Variants in SLC45A4 observed in about 807,000 individuals in gnomAD.
SLC45A4 encodes the protein polyamine-transporter SLC45A4.
A neutral mutation model predicts 63.7 loss-of-function variants in SLC45A4; 32 were observed. The observed-to-expected ratio is 0.50, with a 90% confidence interval of 0.38 to 0.67. The LOEUF is 0.67. Among genes scored for constraint, SLC45A4 ranks in the 30% least tolerant of loss-of-function variants. The pLI is 0.00. For synonymous variants in SLC45A4, 535 were observed against 510.0 expected (o/e 1.05, Z -0.66); for missense variants, 1,027 against 1,157.7 (o/e 0.89, Z 1.64).
intron 5 of SLC45A4, among the ~76,000 whole-genome samples, chr8:141,217,500 G>T (rs1826233085): frequency 6.6e-6 from 1 of 152,226 alleles, no homozygotes; most frequent in Non-Finnish European, 1.5e-5. Flanking sequence ...CTCTGCCGTG[G>T]CCCTCTCGGA....
Position 141,212,266 on chromosome 8 carries a change from G to A in SLC45A4, c.2232C>T (p.Ser744=). 4 of 1,594,644 alleles carry A rather than the reference G, an allele frequency of 2.5e-6. No homozygotes were observed. The highest frequency in any genetic ancestry group is 2.2e-5 in the East Asian group (1 of 44,558). The stretch of plus-strand genomic sequence containing the variant: ...TGAGCTTCAGCACGGTGGGCTTTTC[G>A]CTGTTCCCACCGGCCCTGCCTTCGC... ...LAGEGRAGGN[S]EKPTVLKLTR... The change falls in exon 8 of 9, where the codon AGC becomes AGT. Residue 744 remains serine, a synonymous_variant. Transcript: ENST00000517878.
chr8:141,296,648 C>A (rs1830563724), intron 1 of SLC45A4, among the ~76,000 whole-genome samples: 1 of 150,746 alleles, frequency 6.6e-6, no homozygotes, highest in South Asian at 2.1e-4. Flanking sequence ...CCAGCCTGGC[C>A]AACATGGTGA....
chr8:141,222,068 C>T (rs1008177861), intron 2 of SLC45A4, among the ~76,000 whole-genome samples: 1 of 150,022 alleles, frequency 6.7e-6, no homozygotes, highest in African/African-American at 2.5e-5. Context: ...TGTGCAGGCA[C>T]ATGGAGGGCG....
chr8:141,286,160 C>T (rs1830136915), intron 1 of SLC45A4, among the ~76,000 whole-genome samples: 1 of 152,190 alleles, frequency 6.6e-6, no homozygotes, highest in African/African-American at 2.4e-5. Context: ...GGGAGACAGG[C>T]CTGGCTCCAG....
chr8:141,240,774 G>A (rs1370661802), intron 2 of SLC45A4, among the ~76,000 whole-genome samples: 1 of 152,196 alleles, frequency 6.6e-6, no homozygotes, highest in African/African-American at 2.4e-5. Flanking sequence ...TGAGAAACCG[G>A]CTGCCCGACA....
In SLC45A4 at chr8:141,256,191, C is replaced by T. The variant is rs1322864882; in HGVS notation, c.-400-1562G>A. On this transcript the variant is annotated intron_variant, in intron 1 of 8. Transcript: ENST00000517878. The surrounding 1 kb of genome is among the most constrained non-coding windows in gnomAD (Gnocchi z 4.3). ...AATCTCTCCTCAGGTAAGATAAGATCGGGGATGTGGAACACCCCAAGTTCA... is the reference window on the plus strand; with the variant it reads ...AATCTCTCCTCAGGTAAGATAAGATTGGGGATGTGGAACACCCCAAGTTCA... Among the ~76,000 whole-genome samples, 1 of 152,158 alleles carries T rather than the reference C, an allele frequency of 6.6e-6. No homozygotes were observed. Among genetic ancestry groups the T allele is most frequent in the Non-Finnish European group, 1.5e-5 (1 of 68,032 alleles).
At chr8:141,228,454 G>A (rs34385549) in intron 2 of SLC45A4, 354,784 of 1,382,744 alleles carry the variant, frequency 0.26, 46,846 homozygotes, top group East Asian at 0.42. Flanking sequence ...CCTGTCTCAG[G>A]GCCGACCCTG....
intron 1 of SLC45A4, among the ~76,000 whole-genome samples, chr8:141,285,304 C>G (rs927545192): frequency 6.6e-6 from 1 of 152,248 alleles, no homozygotes; most frequent in Non-Finnish European, 1.5e-5. Flanking sequence ...CCTTCACTGC[C>G]GTGGCTGAGA....
chr8:141,234,175 G>A (rs923803312), intron 2 of SLC45A4, among the ~76,000 whole-genome samples: 2 of 152,170 alleles, frequency 1.3e-5, no homozygotes, highest in South Asian at 2.1e-4. Context: ...TTCACATCTC[G>A]TCCCTCGGAA....
chr8:141,225,632 G>C (rs527782322), intron 2 of SLC45A4: 2 of 152,630 alleles, frequency 1.3e-5, no homozygotes, highest in East Asian at 3.9e-4. Flanking sequence ...CCGGGAAGAC[G>C]CTGGGTCCGG....
At chr8:141,223,669 C>T (rs1589776151) in intron 2 of SLC45A4, among the ~76,000 whole-genome samples, 1 of 152,240 alleles carries the variant, frequency 6.6e-6, no homozygotes, top group African/African-American at 2.4e-5. Context: ...CCTGCTGTCC[C>T]TTTTCAAACT....
intron 1 of SLC45A4, among the ~76,000 whole-genome samples, chr8:141,295,895 G>A (rs1202387130): frequency 6.6e-6 from 1 of 152,232 alleles, no homozygotes; most frequent in African/African-American, 2.4e-5. Flanking sequence ...CCTGGCTTTG[G>A]TGCTGGAGCC....
At chr8:141,260,063 C>T (rs893821539) in intron 1 of SLC45A4, among the ~76,000 whole-genome samples, 15 of 152,180 alleles carry the variant, frequency 9.9e-5, no homozygotes, top group South Asian at 2.1e-4. Flanking sequence ...TCACCTGTTA[C>T]GCAAGTAGTC....
intron 1 of SLC45A4, among the ~76,000 whole-genome samples, chr8:141,280,862 A>G (rs1432758637): frequency 2.0e-5 from 3 of 152,178 alleles, no homozygotes; most frequent in Non-Finnish European, 4.4e-5. Context: ...TCTTAGCACG[A>G]CCTTGCTTCT....
chr8:141,286,802 G>C (rs1408393324), intron 1 of SLC45A4, among the ~76,000 whole-genome samples: 1 of 116,920 alleles, frequency 8.6e-6, no homozygotes, highest in Non-Finnish European at 1.7e-5. Context: ...TCTTCCCCCA[G>C]TTAAGTTCAA....
intron 1 of SLC45A4, among the ~76,000 whole-genome samples, chr8:141,268,133 G>A (rs946794926): frequency 1.3e-5 from 2 of 152,172 alleles, no homozygotes; most frequent in Non-Finnish European, 2.9e-5. Flanking sequence ...CCGCTAAACG[G>A]AAATGAGCTC....
At chr8:141,265,985 A>AT (rs1356616836) in intron 1 of SLC45A4, among the ~76,000 whole-genome samples, 1 of 152,212 alleles carries the variant, frequency 6.6e-6, no homozygotes, top group African/African-American at 2.4e-5. Flanking sequence ...GCCAAAACAC[A>AT]TGACTTCCTA....
At chr8:141,261,128 A>G (rs1179638077) in intron 1 of SLC45A4, among the ~76,000 whole-genome samples, 1 of 152,244 alleles carries the variant, frequency 6.6e-6, no homozygotes, top group Non-Finnish European at 1.5e-5. Flanking sequence ...CAAAAACCAC[A>G]TGATTATCTC....
At chr8:141,220,216 C>T (rs1167259139) in intron 3 of SLC45A4, among the ~76,000 whole-genome samples, 2 of 152,206 alleles carry the variant, frequency 1.3e-5, no homozygotes, top group African/African-American at 4.8e-5. Flanking sequence ...CAGACGCCCA[C>T]AGGGAAAGGC....
Sources: gnomAD v4.1 joint callset for allele counts (sites outside exome capture counted in the v4.1 genomes callset) on GRCh38, gnomAD v4.1.1 for gene constraint, Gnocchi (gnomAD v3.1) non-coding constraint, MANE v1.5 for transcripts, NCBI Gene and HGNC (gene_info 2026-07-23, HGNC 2026-07-21) for gene names.